CEP152: variants seen among roughly 807,000 people sequenced by gnomAD.
CEP152 encodes centrosomal protein of 152 kDa.
In CEP152, 132 loss-of-function variants were observed where a neutral mutation model predicts 188.9. The observed-to-expected ratio is 0.70, with a 90% CI of 0.61 to 0.81. CEP152 has a LOEUF of 0.81. Among genes scored for constraint, CEP152 ranks in the 30% least tolerant of loss-of-function variants. The pLI is 0.00. For missense variants in CEP152, 1,914 were observed against 1,969.8 expected, an observed-to-expected ratio of 0.97 and a Z score of 0.54; for synonymous variants, 649 against 666.6, an observed-to-expected ratio of 0.97 and a Z score of 0.41.
chr15:48,781,064 C>A (rs1896208688), intron 12 of CEP152, 132 bp downstream of exon 12: 3 of 778,912 alleles, frequency 3.9e-6, no homozygotes, highest in Non-Finnish European at 4.3e-6. Flanking sequence ...CTGATAAATG[C>A]AAGGTATCTG....
chr15:48,796,005 C>T lies in CEP152; in HGVS notation c.691+5G>A, dbSNP rs1897265383. 1.8e-5 allele frequency: 29 copies of T among 1,612,952 alleles called. No homozygotes were observed. The highest frequency in any genetic ancestry group is 2.5e-5 in the Non-Finnish European group (29 of 1,179,142). ...TTAAAAAATAAATATAAACTTGATA[C>T]CTACTCTCATTAGCTCCTAAAAATT... On this transcript the variant is annotated splice_donor_5th_base_variant and intron_variant, in intron 6 of 26. Coordinates refer to ENST00000380950, the MANE Select transcript of CEP152 (RefSeq NM_001194998.2).
rs1426795667 is a variant in CEP152 at position 48,752,395 on chromosome 15, T to C, written c.3420A>G (p.Gly1140=). 3.1e-6 allele frequency: 5 copies of C among 1,613,910 alleles called. No individual in the cohort carries two copies. The East Asian group carries it at 8.9e-5, about 29-fold the overall frequency. Residue 1140 remains glycine, a synonymous_variant, in exon 21 of 27, where the codon GGA becomes GGG. Coordinates refer to ENST00000380950, the MANE Select transcript of CEP152 (RefSeq NM_001194998.2). Reference sequence around the variant, plus strand: ...GTAAGGCCAAGGGCTGAGCATGGTGTCCAGCAGCAGGTCCAGGGTCTCCTT... The same window carrying C: ...GTAAGGCCAAGGGCTGAGCATGGTGCCCAGCAGCAGGTCCAGGGTCTCCTT... ...TGQGDPGPAA[G]HHAQPLALQA... is the part of the protein sequence containing the mutation.
rs771247047 is a variant in CEP152, at chr15:48,788,912, T to C, written c.1062A>G (p.Arg354=). Residue 354 remains arginine, a synonymous_variant, in exon 9 of 27, where the codon CGA becomes CGG. Coordinates refer to ENST00000380950, the MANE Select transcript of CEP152 (RefSeq NM_001194998.2). ...CAATGCTCTCATGCTGTTCTCTAGC[T>C]CGTTGAAGTGATTCAGAATGATGAA... ...VDLHHSESLQ[R]AREQHESIVM... The C allele has an allele frequency of 2.5e-6, 4 of 1,614,030 alleles. No homozygotes were observed. The African/African-American group carries it at 5.3e-5, about 22-fold the overall frequency.
chr15:48,788,495 G>A (rs1406223656), intron 9 of CEP152, among the ~76,000 whole-genome samples: 9 of 151,432 alleles, frequency 5.9e-5, no homozygotes, highest in Admixed American at 3.3e-4. Context: ...CACTGCGCCC[G>A]GCTAATTTTT....
At chr15:48,769,328 G>T in intron 13 of CEP152, among the ~76,000 whole-genome samples, 1 of 152,080 alleles carries the variant, frequency 6.6e-6, no homozygotes, top group African/African-American at 2.4e-5. Flanking sequence ...CTGTTTTCTG[G>T]TCCAAGATCA....
chr15:48,764,915 G>T lies in CEP152; in HGVS notation c.2280+2145C>A, dbSNP rs560133973. Among the ~76,000 whole-genome samples the T allele has an allele frequency of 6.6e-5, 10 of 151,852 alleles. No homozygotes were observed. In the South Asian group the frequency reaches 2.1e-3, roughly 32 times the overall value. On this transcript the variant is annotated intron_variant, in intron 17 of 26. Coordinates refer to ENST00000380950, the MANE Select transcript of CEP152 (RefSeq NM_001194998.2). ...CAGTAAAATGGCTTATGTCCTGCAT[G>T]GAAGAGCTACCCCAGAAGTGCCCTC...
rs377636130 is a variant in CEP152, at chr15:48,797,610, C to T, written c.262-31G>A. On this transcript the variant is annotated intron_variant, in intron 4 of 26. Transcript: ENST00000380950. ...AGATAACAAGAGTAAAACAAAAGCA[C>T]GAAGATCCAGTCCCACCCTCACCAA... 27 of 1,613,852 alleles carry T rather than the reference C, an allele frequency of 1.7e-5. No homozygotes were observed. The African/African-American group carries it at 2.0e-4, about 12-fold the overall frequency.
chr15:48,803,144 A>G (rs1257066902), intron 2 of CEP152, among the ~76,000 whole-genome samples: 1 of 152,270 alleles, frequency 6.6e-6, no homozygotes, highest in Non-Finnish European at 1.5e-5. Flanking sequence ...TGATTCACTA[A>G]GTAGAGAAAG....
intron 9 of CEP152, among the ~76,000 whole-genome samples, chr15:48,785,511 G>A (rs187183720): frequency 3.3e-5 from 5 of 152,224 alleles, no homozygotes; most frequent in South Asian, 2.1e-4. Flanking sequence ...CAGCAAGAAG[G>A]GGTGGGGAGA....
intron 6 of CEP152, 128 bp from the exon 7 acceptor site, chr15:48,793,589 T>G: frequency 2.6e-6 from 2 of 783,152 alleles, no homozygotes; most frequent in Non-Finnish European, 4.1e-6. Flanking sequence ...CAGTGAATTG[T>G]GACTAGGATT....
intron 9 of CEP152, among the ~76,000 whole-genome samples, chr15:48,785,494 G>C (rs1896562206): frequency 6.6e-6 from 1 of 151,994 alleles, no homozygotes; most frequent in African/African-American, 2.4e-5. Context: ...CAGCATGACA[G>C]TAATGACAGC....
At chr15:48,753,461 C>T (rs1264588390) in intron 20 of CEP152, among the ~76,000 whole-genome samples, 2 of 152,154 alleles carry the variant, frequency 1.3e-5, no homozygotes, top group African/African-American at 2.4e-5. Flanking sequence ...TTCTAGAAGC[C>T]TTGATTTTGA....
intron 26 of CEP152, among the ~76,000 whole-genome samples, chr15:48,739,742 C>T (rs1892824347): frequency 6.6e-6 from 1 of 152,176 alleles, no homozygotes; most frequent in African/African-American, 2.4e-5. Context: ...GATTTAATTA[C>T]CTAAGACACT....
Position 48,762,405 on chromosome 15 carries a change from T to G in CEP152, c.2548A>C (p.Asn850His), listed in dbSNP as rs755545730. 3.1e-6 allele frequency: 5 copies of G among 1,613,944 alleles called. No homozygotes were observed. In the Admixed American group the frequency reaches 5.0e-5, roughly 16 times the overall value. Residue 850 changes from asparagine (N) to histidine (H), a missense_variant, in exon 18 of 27, where the codon AAT (asparagine) becomes CAT (histidine). By Grantham distance (68) the Asn-to-His change is moderately conservative (BLOSUM62 1). Coordinates refer to ENST00000380950, the MANE Select transcript of CEP152 (RefSeq NM_001194998.2). ...CTGCCTTTTACCTGTTTGGTAATAT[T>G]TTCACAATGTTTGAGTTCCAATTCA... The part of the protein sequence containing the change: ...EIELELKHCE[N>H]ITKQVEIAVQ...
At chr15:48,797,219 A>G in intron 5 of CEP152, 82 bp downstream of exon 5, 1 of 1,494,794 alleles carries the variant, frequency 6.7e-7, no homozygotes, top group Non-Finnish European at 9.3e-7. Context: ...TTGTACTCAC[A>G]TACATTTCCT....
rs1241837533 is a variant in CEP152, at chr15:48,784,139, C to G, written c.1174-19G>C. ...TGTCTTCCTAAATAGAAAAAAAGTT[C>G]AGGAAGTCATTTTCATAAAGAGTTT... is the stretch of plus-strand genomic sequence containing the variant. On this transcript the variant is annotated intron_variant, in intron 9 of 26. Coordinates refer to ENST00000380950, the MANE Select transcript of CEP152 (RefSeq NM_001194998.2). 1.9e-6 allele frequency: 3 copies of G among 1,607,450 alleles called. No homozygotes were observed. The highest frequency in any genetic ancestry group is 2.6e-6 in the Non-Finnish European group (3 of 1,176,066).
intron 17 of CEP152, among the ~76,000 whole-genome samples, chr15:48,765,116 A>G (rs1420181319): frequency 6.6e-6 from 1 of 152,172 alleles, no homozygotes; most frequent in Non-Finnish European, 1.5e-5. Context: ...ATATAATTCT[A>G]TAGTAAAAAA....
intron 24 of CEP152, among the ~76,000 whole-genome samples, chr15:48,742,650 A>G (rs1433336482): frequency 6.6e-6 from 1 of 152,100 alleles, no homozygotes; most frequent in East Asian, 1.9e-4. Flanking sequence ...TAATATTACA[A>G]TTCATAAGAG....
Position 48,776,161 on chromosome 15 carries a change from A to G in CEP152, c.1578-3470T>C, listed in dbSNP as rs116476517. ...ACTTCTTGACCTGGGTGGTGGTCCT[A>G]CGAATATTCACTTTCAAATAATTCA... On this transcript the variant is annotated intron_variant, in intron 12 of 26. Coordinates refer to ENST00000380950, the MANE Select transcript of CEP152 (RefSeq NM_001194998.2). Among the ~76,000 whole-genome samples, 1,507 of 152,238 alleles carry G rather than the reference A, an allele frequency of 9.9e-3. 32 individuals are homozygous for G. The highest frequency in any genetic ancestry group is 0.035 in the African/African-American group (1,440 of 41,572).
Sources: gnomAD v4.1 joint callset for allele counts (sites outside exome capture counted in the v4.1 genomes callset) on GRCh38, gnomAD v4.1.1 for gene constraint, MANE v1.5 for transcripts, NCBI Gene and HGNC (gene_info 2026-07-23, HGNC 2026-07-21) for gene names.